KAT6B: variants seen among roughly 807,000 people sequenced by gnomAD.
KAT6B encodes histone acetyltransferase KAT6B.
Under a neutral mutation model 187.5 loss-of-function variants are expected in KAT6B, and 10 were observed. The ratio of observed to expected loss-of-function variants is 0.05; its 90% CI spans 0.03 to 0.09. KAT6B has a LOEUF of 0.09. KAT6B is among the 10% of genes least tolerant of loss of function. The probability of loss-of-function intolerance (pLI) is 1.00; values close to 1 mark genes in which losing one functional copy is unlikely to be tolerated. For synonymous variants in KAT6B, 861 were observed against 926.8 expected (o/e 0.93, Z 1.29); for missense variants, 1,952 against 2,558.9 (o/e 0.76, Z 5.12).
chr10:74,856,032 A>G (rs907061899), intron 3 of KAT6B, among the ~76,000 whole-genome samples: 2 of 152,192 alleles, frequency 1.3e-5, no homozygotes, highest in African/African-American at 4.8e-5. Flanking sequence ...CGGCAGTGGA[A>G]TGAGTGTTAA....
chr10:74,962,047 C>A (rs1841130488), intron 4 of KAT6B, among the ~76,000 whole-genome samples: 1 of 152,136 alleles, frequency 6.6e-6, no homozygotes, highest in Admixed American at 6.5e-5. Flanking sequence ...GAGTGCTTCT[C>A]TGGACTCTGC....
chr10:74,890,542 A>AAAAC lies in KAT6B; in HGVS notation c.621+47084_621+47087dup, dbSNP rs537552957. ...GAGTGACAGAGCAAGACTCCGTCTC[A>AAAAC]AAACAAACAAACAAACAAACAAAAA... is the stretch of plus-strand genomic sequence containing the variant. On this transcript the variant is annotated intron_variant, in intron 3 of 17. Coordinates refer to ENST00000287239, the MANE Select transcript of KAT6B (RefSeq NM_012330.4). Among the ~76,000 whole-genome samples the AAAAC allele has an allele frequency of 2.4e-4, 37 of 152,284 alleles. No homozygotes were observed. The East Asian group carries it at 2.7e-3, about 11-fold the overall frequency.
intron 3 of KAT6B, among the ~76,000 whole-genome samples, chr10:74,885,735 T>C (rs1436591979): frequency 2.4e-5 from 3 of 125,468 alleles, no homozygotes; most frequent in Non-Finnish European, 5.4e-5. Context: ...GGAGAAGTTC[T>C]TTTTTTTTTT....
intron 11 of KAT6B, chr10:74,982,247 A>G: frequency 2.9e-6 from 1 of 339,482 alleles, no homozygotes; most frequent in Non-Finnish European, 5.6e-6. Flanking sequence ...GGCAGGAGAA[A>G]TGAGCTTTGT....
At chr10:74,870,154 C>T (rs1843813602) in intron 3 of KAT6B, among the ~76,000 whole-genome samples, 1 of 152,132 alleles carries the variant, frequency 6.6e-6, no homozygotes, top group Admixed American at 6.5e-5. Context: ...TGGCATGCCC[C>T]TGTAGTCCCA....
intron 3 of KAT6B, among the ~76,000 whole-genome samples, chr10:74,879,138 G>A (rs1460109670): frequency 6.6e-6 from 1 of 152,216 alleles, no homozygotes; most frequent in African/African-American, 2.4e-5. Context: ...CAAAGGAGAA[G>A]ATGGTGGGAA....
intron 1 of KAT6B, among the ~76,000 whole-genome samples, chr10:74,837,064 A>G (rs747889933): frequency 6.6e-6 from 1 of 152,212 alleles, no homozygotes; most frequent in Non-Finnish European, 1.5e-5. Flanking sequence ...ACACAGCTTT[A>G]GTAAAAGCTT....
chr10:74,852,950 A>T (rs896409042), intron 3 of KAT6B, among the ~76,000 whole-genome samples: 2 of 152,180 alleles, frequency 1.3e-5, no homozygotes, highest in Non-Finnish European at 2.9e-5. Context: ...ACAGTTAAGT[A>T]CTATTTGCTG....
chr10:74,831,697 A>C (rs1035455450), intron 1 of KAT6B, among the ~76,000 whole-genome samples: 7 of 152,182 alleles, frequency 4.6e-5, no homozygotes, highest in African/African-American at 1.7e-4. Flanking sequence ...TCCTTTTATG[A>C]GCTAGCATTT....
chr10:74,842,151 A>G (rs1841789887), intron 2 of KAT6B, among the ~76,000 whole-genome samples: 1 of 152,350 alleles, frequency 6.6e-6, no homozygotes, highest in South Asian at 2.1e-4. Context: ...CTTGGGAAAT[A>G]CAATACCTAG....
At chr10:74,984,365 A>G (rs896671654) in intron 11 of KAT6B, 2 of 152,210 alleles carry the variant, frequency 1.3e-5, no homozygotes, top group African/African-American at 4.8e-5. Flanking sequence ...TCTATTTTCA[A>G]AGAGTAACTA....
In KAT6B at chr10:75,022,647, T is replaced by C. The variant is rs368187433; in HGVS notation, c.3372+416T>C. On this transcript the variant is annotated intron_variant, in intron 16 of 17. Coordinates refer to ENST00000287239, the MANE Select transcript of KAT6B (RefSeq NM_012330.4). ...AAATGCGTGCTCAAGACTCTAAGCCTGGGTTGGGCGCAGTGGCTCACGCCT... is the reference window on the plus strand; with the variant it reads ...AAATGCGTGCTCAAGACTCTAAGCCCGGGTTGGGCGCAGTGGCTCACGCCT... 3.9e-5 allele frequency among the ~76,000 whole-genome samples: 6 copies of C among 152,306 alleles called. No individual in the cohort carries two copies. The South Asian group carries it at 6.2e-4, about 16-fold the overall frequency.
At chr10:74,955,384 C>CCG (rs1554832517) in intron 3 of KAT6B, among the ~76,000 whole-genome samples, 2 of 10,200 alleles carry the variant, frequency 2.0e-4, no homozygotes, top group South Asian at 6.3e-3. Flanking sequence ...ACAATTTTAT[C>CCG]CCCCCCCCCC....
chr10:75,021,269 G>A lies in KAT6B; in HGVS notation c.3005G>A (p.Arg1002Gln), dbSNP rs201735610. Reference sequence around the variant, plus strand: ...AATGCTGCAGTGTCTGAAGAAGAGCGAGAAGCTGAGAAAGAGGTAATGATT... The same window carrying A: ...AATGCTGCAGTGTCTGAAGAAGAGCAAGAAGCTGAGAAAGAGGTAATGATT... ...ISNAAVSEEE[R>Q]EAEKEAERLM... The change falls in exon 15 of 18, where the codon CGA becomes CAA. Residue 1002 changes from arginine (R) to glutamine (Q), a missense_variant. This residue lies in a region of KAT6B where 758 missense variants were observed against 891.4 expected (regional missense o/e 0.85). Coordinates refer to ENST00000287239, the MANE Select transcript of KAT6B (RefSeq NM_012330.4). 7.4e-6 allele frequency: 12 copies of A among 1,614,112 alleles called. No individual in the cohort carries two copies. The highest frequency in any genetic ancestry group is 1.6e-4 in the Middle Eastern group (1 of 6,062).
intron 3 of KAT6B, among the ~76,000 whole-genome samples, chr10:74,877,057 G>A (rs1439344679): frequency 6.6e-6 from 1 of 151,760 alleles, no homozygotes; most frequent in Non-Finnish European, 1.5e-5. Context: ...ACCTCTACCT[G>A]CCGGTTCAAG....
chr10:74,844,401 G>A (rs1346817658), intron 3 of KAT6B, among the ~76,000 whole-genome samples: 2 of 152,136 alleles, frequency 1.3e-5, no homozygotes, highest in Admixed American at 6.5e-5. Context: ...GTTTCACCAT[G>A]TTGGCCGGGC....
chr10:74,939,050 A>AACACACACACACACACACAC (rs112617639), intron 3 of KAT6B, among the ~76,000 whole-genome samples: 2 of 145,684 alleles, frequency 1.4e-5, no homozygotes, highest in East Asian at 2.0e-4. Flanking sequence ...TTATTTTCTT[A>AACACACACACACACACACAC]ACACACACAC....
At position 74,976,276 on chromosome 10, in the gene KAT6B, T is replaced by C. The variant is rs1842156648; in HGVS notation, c.1939T>C (p.Ser647Pro). Residue 647 changes from serine to proline, a missense_variant, in exon 8 of 18, where the codon TCA (serine) becomes CCA (proline). Physicochemically the swap from Ser to Pro is moderately conservative, Grantham distance 74. Around this residue, in one of 9 missense-constraint regions of KAT6B, gnomAD observed 417 missense variants for 508.9 expected, o/e 0.82. Coordinates refer to ENST00000287239, the MANE Select transcript of KAT6B (RefSeq NM_012330.4). ...AGTGACCCCTCAGATGGGGACCCCC[T>C]CACCAGGGAAGGGGAGCTTGACAGA... ...YKVTPQMGTPSPGKGSLTDGR... is the reference protein window; with the variant it reads ...YKVTPQMGTPPPGKGSLTDGR... The C allele has an allele frequency of 9.9e-6, 16 of 1,613,956 alleles. No homozygotes were observed. The highest frequency in any genetic ancestry group is 1.4e-5 in the Non-Finnish European group (16 of 1,179,998).
intron 13 of KAT6B, among the ~76,000 whole-genome samples, chr10:75,000,392 G>A (rs1843745654): frequency 6.6e-6 from 1 of 152,130 alleles, no homozygotes; most frequent in African/African-American, 2.4e-5. Context: ...TACAAAGTCT[G>A]ATCTGGCATT....
Sources: gnomAD v4.1 joint callset for allele counts (sites outside exome capture counted in the v4.1 genomes callset) on GRCh38, gnomAD v4.1.1 for gene constraint, gnomAD v4.1.1 regional missense constraint, MANE v1.5 for transcripts, NCBI Gene and HGNC (gene_info 2026-07-23, HGNC 2026-07-21) for gene names.